The following SH3GL3 variants were observed in gnomAD, a reference collection of about 807,000 sequenced individuals.
SH3GL3 encodes the protein endophilin-A3.
A neutral mutation model predicts 47.7 loss-of-function variants in SH3GL3; 33 were observed. That is an observed-to-expected ratio of 0.69 (90% confidence interval 0.52 to 0.92). The LOEUF is 0.92. Ranked by LOEUF, SH3GL3 falls within the 40% of genes least tolerant of loss-of-function variation. The probability of loss-of-function intolerance (pLI) is 0.00; values close to 1 mark genes in which losing one functional copy is unlikely to be tolerated. For missense variants in SH3GL3, 363 were observed against 417.8 expected (o/e 0.87, Z 1.14); for synonymous variants, 155 against 148.8 (o/e 1.04, Z -0.30).
intron 8 of SH3GL3, among the ~76,000 whole-genome samples, chr15:83,592,875 TG>T (rs1337879656): frequency 6.6e-6 from 1 of 152,214 alleles, no homozygotes; most frequent in Non-Finnish European, 1.5e-5. Context: ...CTTCTGTTTT[TG>T]TTTGTTTCCA....
intron 1 of SH3GL3, among the ~76,000 whole-genome samples, chr15:83,499,588 G>C (rs1448875147): frequency 6.6e-6 from 1 of 152,120 alleles, no homozygotes. Flanking sequence ...TCTGATCAAA[G>C]AAACAAATGT....
intron 1 of SH3GL3, among the ~76,000 whole-genome samples, chr15:83,460,623 T>G (rs946502452): frequency 1.3e-5 from 2 of 152,214 alleles, no homozygotes; most frequent in Non-Finnish European, 2.9e-5. Context: ...ATTAGCTTTT[T>G]GATTATTTAG....
rs1272426854 is a variant in SH3GL3 at position 83,501,613 on chromosome 15, T to C, written c.45+54035T>C. Among the ~76,000 whole-genome samples the C allele has an allele frequency of 2.6e-5, 4 of 152,216 alleles. No homozygotes were observed. The East Asian group carries it at 7.7e-4, about 29-fold the overall frequency. On this transcript the variant is annotated intron_variant, in intron 1 of 8. Coordinates refer to ENST00000427482, the MANE Select transcript of SH3GL3 (RefSeq NM_003027.5). ...CCTTTAAGATTTACTGGCTTCTGGC[T>C]GGGTGCAGTGGCTCACGCCTGTAAT...
intron 1 of SH3GL3, among the ~76,000 whole-genome samples, chr15:83,514,582 A>G (rs146383780): frequency 6.6e-6 from 1 of 152,346 alleles, no homozygotes; most frequent in African/African-American, 2.4e-5. Flanking sequence ...ATTTCAAAAT[A>G]AGTTTTTTTG....
At chr15:83,578,107 A>G (rs904343250) in intron 6 of SH3GL3, among the ~76,000 whole-genome samples, 2 of 152,164 alleles carry the variant, frequency 1.3e-5, no homozygotes, top group Non-Finnish European at 2.9e-5. Context: ...GGTTCCTGCC[A>G]TTTGCTTTGA....
At chr15:83,584,116 C>T (rs971367700) in intron 6 of SH3GL3, among the ~76,000 whole-genome samples, 1 of 152,150 alleles carries the variant, frequency 6.6e-6, no homozygotes, top group Admixed American at 6.5e-5. Context: ...GTTCTGGAGG[C>T]TCTTGAGGAA....
intron 1 of SH3GL3, among the ~76,000 whole-genome samples, chr15:83,508,496 T>C (rs1192511746): frequency 1.3e-5 from 2 of 151,918 alleles, no homozygotes; most frequent in Non-Finnish European, 2.9e-5. Flanking sequence ...GATGTTTGTA[T>C]GGGGCCTTAG....
intron 5 of SH3GL3, among the ~76,000 whole-genome samples, chr15:83,572,997 A>C (rs2059579312): frequency 6.6e-6 from 1 of 152,316 alleles, no homozygotes; most frequent in African/African-American, 2.4e-5. Context: ...TAATTACATA[A>C]CTTTATAGTG....
intron 1 of SH3GL3, among the ~76,000 whole-genome samples, chr15:83,542,022 A>AT (rs755431365): frequency 1.1e-4 from 17 of 152,176 alleles, no homozygotes; most frequent in Admixed American, 2.0e-4. Context: ...CTTTTAGGGT[A>AT]TTACTCAAGA....
chr15:83,542,478 T>C (rs1413073657), intron 1 of SH3GL3, among the ~76,000 whole-genome samples: 2 of 152,156 alleles, frequency 1.3e-5, no homozygotes, highest in African/African-American at 4.8e-5. Flanking sequence ...CCATATAAGT[T>C]TTAGGATTAT....
At chr15:83,599,533 CTTT>C (rs2060326623) in intron 8 of SH3GL3, among the ~76,000 whole-genome samples, 1 of 152,212 alleles carries the variant, frequency 6.6e-6, no homozygotes. Flanking sequence ...TAGTTCATTT[CTTT>C]TTATGGTTGA....
chr15:83,482,952 CA>C (rs2041433304), intron 1 of SH3GL3, among the ~76,000 whole-genome samples: 1 of 152,088 alleles, frequency 6.6e-6, no homozygotes, highest in African/African-American at 2.4e-5. Context: ...GTCCTTCTTC[CA>C]GGGGGCAATG....
At chr15:83,592,916 G>A (rs926244767) in intron 8 of SH3GL3, among the ~76,000 whole-genome samples, 2 of 137,980 alleles carry the variant, frequency 1.4e-5, no homozygotes, top group African/African-American at 2.5e-5. Context: ...TCTGCACATC[G>A]GTTTAATAAA....
At chr15:83,543,471 TG>T (rs1429819578) in intron 1 of SH3GL3, among the ~76,000 whole-genome samples, 1 of 152,088 alleles carries the variant, frequency 6.6e-6, no homozygotes, top group Non-Finnish European at 1.5e-5. Context: ...TGTTTTTTGA[TG>T]TATCTTTGAC....
chr15:83,508,255 A>C (rs1202166144), intron 1 of SH3GL3, among the ~76,000 whole-genome samples: 1 of 151,990 alleles, frequency 6.6e-6, no homozygotes, highest in Non-Finnish European at 1.5e-5. Flanking sequence ...ACAATTTTAA[A>C]TACCGTGGTC....
rs577582011 is a variant in SH3GL3 at position 83,501,645 on chromosome 15, A to C, written c.45+54067A>C. On this transcript the variant is annotated intron_variant, in intron 1 of 8. Coordinates refer to ENST00000427482, the MANE Select transcript of SH3GL3 (RefSeq NM_003027.5). ...AGTGGCTCACGCCTGTAATCCCAGC[A>C]CTTTGGGAGGCCTAGGCAGGCAGAT... Among the ~76,000 whole-genome samples, 175 of 152,314 alleles carry C rather than the reference A, an allele frequency of 1.1e-3. 1 individual carries two copies. The highest frequency in any genetic ancestry group is 4.2e-3 in the African/African-American group (173 of 41,564).
intron 1 of SH3GL3, among the ~76,000 whole-genome samples, chr15:83,551,996 T>C (rs560517919): frequency 1.3e-5 from 2 of 152,350 alleles, no homozygotes; most frequent in South Asian, 4.1e-4. Flanking sequence ...CTAGGCTTTG[T>C]TCTGGAACTT....
intron 8 of SH3GL3, among the ~76,000 whole-genome samples, chr15:83,612,406 T>C (rs1051683441): frequency 1.3e-5 from 2 of 152,240 alleles, no homozygotes; most frequent in African/African-American, 4.8e-5. Flanking sequence ...TGAATCTCTG[T>C]ATTTGGAGCC....
chr15:83,506,913 G>GT, intron 1 of SH3GL3, among the ~76,000 whole-genome samples: 1 of 151,380 alleles, frequency 6.6e-6, no homozygotes, highest in East Asian at 1.9e-4. Flanking sequence ...TCTGTTTACC[G>GT]TAACAGGTTT....
Sources: gnomAD v4.1 joint callset for allele counts (sites outside exome capture counted in the v4.1 genomes callset) on GRCh38, gnomAD v4.1.1 for gene constraint, MANE v1.5 for transcripts, NCBI Gene and HGNC (gene_info 2026-07-23, HGNC 2026-07-21) for gene names.